The following GSTA2 variants were observed in gnomAD, a reference collection of about 807,000 sequenced individuals.
GSTA2 encodes glutathione S-transferase alpha 2, also known as glutathione S-transferase A2.
GSTA2 carries 27 observed loss-of-function variants against 22.4 expected under a neutral mutation model. The ratio of observed to expected loss-of-function variants is 1.21; its 90% confidence interval spans 0.89 to 1.67. The LOEUF (loss-of-function observed/expected upper bound fraction) is 1.67. Ranked by LOEUF, GSTA2 falls within the 40% of genes most tolerant of loss-of-function variation. The probability of loss-of-function intolerance (pLI) is 0.00; values close to 1 mark genes in which losing one functional copy is unlikely to be tolerated. For synonymous variants in GSTA2, 121 were observed against 86.8 expected, an observed-to-expected ratio of 1.39 and a Z score of -2.19; for missense variants, 302 against 260.2, an observed-to-expected ratio of 1.16 and a Z score of -1.11.
chr6:52,754,156 A>T (rs1762797628), intron 4 of GSTA2, among the ~76,000 whole-genome samples: 1 of 152,156 alleles, frequency 6.6e-6, no homozygotes, highest in African/African-American at 2.4e-5. Flanking sequence ...CCACTTTTTG[A>T]ATTCTATGAA....
Position 52,753,497 on chromosome 6 carries a change from C to T in GSTA2, c.273-502G>A, listed in dbSNP as rs148246291. Among the ~76,000 whole-genome samples, 612 of 152,306 alleles carry T rather than the reference C, an allele frequency of 4.0e-3. 7 individuals are homozygous for T. Among genetic ancestry groups the T allele is most frequent in the African/African-American group, 0.013 (539 of 41,566 alleles). On this transcript the variant is annotated intron_variant, in intron 4 of 6. Transcript: ENST00000493422. ...CATCATTTTACAGCTCCCAGGGCTGCTTCTATGCCCCATATTTGCAGTTCT... is the reference window on the plus strand; with the variant it reads ...CATCATTTTACAGCTCCCAGGGCTGTTTCTATGCCCCATATTTGCAGTTCT...
chr6:52,759,088 T>G (rs1390053746), intron 1 of GSTA2, among the ~76,000 whole-genome samples: 1 of 152,198 alleles, frequency 6.6e-6, no homozygotes, highest in East Asian at 1.9e-4. Flanking sequence ...CCCATTACTT[T>G]AAAAAATAAA....
At chr6:52,755,212 C>T in intron 3 of GSTA2, 137 bp from the exon 4 acceptor site, 1 of 816,416 alleles carries the variant, frequency 1.2e-6, no homozygotes, top group Non-Finnish European at 1.7e-6. Flanking sequence ...TCACTTGAAA[C>T]AACTTTTTTT....
At chr6:52,752,388 TC>T (rs1172334098) in intron 5 of GSTA2, among the ~76,000 whole-genome samples, 1 of 152,168 alleles carries the variant, frequency 6.6e-6, no homozygotes, top group African/African-American at 2.4e-5. Flanking sequence ...CCACAGTCAC[TC>T]TCCTTTTAAA....
chr6:52,755,215 C>CA (rs1762817794), intron 3 of GSTA2, 140 bp from the exon 4 acceptor site: 3 of 709,034 alleles, frequency 4.2e-6, no homozygotes, highest in Non-Finnish European at 6.4e-6. Flanking sequence ...CTTGAAACAA[C>CA]TTTTTTTTTT....
intron 1 of GSTA2, among the ~76,000 whole-genome samples, chr6:52,758,520 G>T (rs1286507529): frequency 1.3e-5 from 2 of 152,166 alleles, no homozygotes; most frequent in Admixed American, 1.3e-4. Flanking sequence ...CTGGGTGAAG[G>T]CCCTGGGAAC....
intron 3 of GSTA2, among the ~76,000 whole-genome samples, 196 bp downstream of exon 3, chr6:52,756,062 G>C (rs1383108453): frequency 6.6e-6 from 1 of 152,118 alleles, no homozygotes; most frequent in African/African-American, 2.4e-5. Flanking sequence ...TACTCTGAGA[G>C]GTCTGGTCCT....
chr6:52,759,563 GTTTTTTTTTTTTTTTTTTTTTT>G lies in GSTA2; in HGVS notation c.-30-1608_-30-1587del, dbSNP rs70977382. On this transcript the variant is annotated intron_variant, in intron 1 of 6. Transcript: ENST00000493422. ...CCTTTAACAACTAATGTATTTATTT[GTTTTTTTTTTTTTTTTTTTTTT>G]TTTTTTTTTTTTTTTTGAGACAGAG... Among the ~76,000 whole-genome samples, 11 of 34,198 alleles carry G rather than the reference GTTTTTTTTTTTTTTTTTTTTTT, an allele frequency of 3.2e-4. 1 individual carries two copies. The Admixed American group carries it at 3.3e-3, about 10-fold the overall frequency. The allele number at this position is 34,198 out of a possible 152,430, so 22.4% of individuals were successfully genotyped here.
intron 1 of GSTA2, among the ~76,000 whole-genome samples, chr6:52,761,099 A>G (rs1209765774): frequency 6.6e-6 from 1 of 152,112 alleles, no homozygotes; most frequent in Non-Finnish European, 1.5e-5. Flanking sequence ...CTGAGCCTCA[A>G]TTTTCTCTTC....
At chr6:52,754,391 G>C (rs1206304813) in intron 4 of GSTA2, among the ~76,000 whole-genome samples, 1 of 152,154 alleles carries the variant, frequency 6.6e-6, no homozygotes, top group Non-Finnish European at 1.5e-5. Context: ...CAATCTGGCT[G>C]TTTCGGCCTT....
At chr6:52,758,881 A>G (rs1762898966) in intron 1 of GSTA2, among the ~76,000 whole-genome samples, 1 of 152,190 alleles carries the variant, frequency 6.6e-6, no homozygotes, top group Non-Finnish European at 1.5e-5. Flanking sequence ...TTTATCCTAC[A>G]AAAATTACCT....
chr6:52,751,462 C>A (rs1189384242), intron 6 of GSTA2, 115 bp downstream of exon 6: 3 of 1,585,220 alleles, frequency 1.9e-6, no homozygotes, highest in Admixed American at 1.7e-5. Context: ...GACCTTGGGG[C>A]ACCAAAGGCC....
chr6:52,761,782 G>A (rs1168985558), intron 1 of GSTA2, among the ~76,000 whole-genome samples: 1 of 150,398 alleles, frequency 6.6e-6, no homozygotes, highest in African/African-American at 2.4e-5. Flanking sequence ...TGCTATATCT[G>A]CAGAGAGGGA....
chr6:52,756,338 T>G (rs1460000226), intron 2 of GSTA2, 29 bp from the exon 3 acceptor site: 3 of 1,531,432 alleles, frequency 2.0e-6, no homozygotes, highest in African/African-American at 2.7e-5. Context: ...AATATGTTCT[T>G]GTTAGTTCAT....
chr6:52,750,572 G>A lies in GSTA2; in HGVS notation c.*5C>T, dbSNP rs1356916831. On this transcript the variant is annotated 3_prime_UTR_variant, in exon 7 of 7. Transcript: ENST00000493422. ...TGCATGTTCTTGACCTCTATGGCTG[G>A]TTTATTAAAACCTGAAAATCTTCCT... is the stretch of plus-strand genomic sequence containing the variant. The A allele has an allele frequency of 1.2e-6, 2 of 1,613,692 alleles. No homozygotes were observed. Among genetic ancestry groups the A allele is most frequent in the Non-Finnish European group, 1.7e-6 (2 of 1,179,744 alleles).
At chr6:52,755,156 T>A in intron 3 of GSTA2, 81 bp from the exon 4 acceptor site, 2 of 1,557,006 alleles carry the variant, frequency 1.3e-6, no homozygotes, top group Admixed American at 2.0e-5. Context: ...GTTGTTGAAA[T>A]GACTAAATTT....
chr6:52,759,535 T>C (rs564136654), intron 1 of GSTA2, among the ~76,000 whole-genome samples: 2 of 143,226 alleles, frequency 1.4e-5, no homozygotes, highest in South Asian at 2.3e-4. Context: ...AAAAATATAC[T>C]TGCCTTTAAC....
intron 6 of GSTA2, 129 bp downstream of exon 6, chr6:52,751,448 T>G: frequency 6.4e-7 from 1 of 1,554,890 alleles, no homozygotes; most frequent in Non-Finnish European, 8.7e-7. Flanking sequence ...AAGCTCATTT[T>G]GGAGACCTTG....
intron 4 of GSTA2, among the ~76,000 whole-genome samples, 186 bp downstream of exon 4, chr6:52,754,757 C>T (rs1581773275): frequency 6.6e-6 from 1 of 152,256 alleles, no homozygotes; most frequent in East Asian, 1.9e-4. Flanking sequence ...TCACCCTCGC[C>T]TGAACCCTCC....
Sources: allele counts gnomAD v4.1 joint callset (sites outside exome capture counted in the v4.1 genomes callset), GRCh38; gene constraint gnomAD v4.1.1; transcripts MANE v1.5; gene names NCBI Gene and HGNC (gene_info 2026-07-23, HGNC 2026-07-21).